The following GRIK2 variants were observed in gnomAD, a reference collection of about 807,000 sequenced individuals.
GRIK2 encodes glutamate receptor ionotropic, kainate 2.
GRIK2 carries 32 observed loss-of-function variants against 100.3 expected under a neutral mutation model. The ratio of observed to expected loss-of-function variants is 0.32; its 90% CI spans 0.24 to 0.43. GRIK2 has a LOEUF of 0.43. Ranked by LOEUF, GRIK2 falls within the 20% of genes least tolerant of loss-of-function variation. GRIK2 has a pLI of 1.00. For missense variants in GRIK2, 843 were observed against 1,114.9 expected, an observed-to-expected ratio of 0.76 and a Z score of 3.47; for synonymous variants, 417 against 389.4, an observed-to-expected ratio of 1.07 and a Z score of -0.83.
chr6:101,400,182 G>T (rs1582361565), intron 2 of GRIK2, among the ~76,000 whole-genome samples: 2 of 152,160 alleles, frequency 1.3e-5, no homozygotes, highest in South Asian at 4.1e-4. Context: ...GACTAAGTCT[G>T]CATCTTTCAC....
chr6:101,808,425 C>T (rs1781132107), intron 9 of GRIK2, among the ~76,000 whole-genome samples: 1 of 151,986 alleles, frequency 6.6e-6, no homozygotes, highest in Admixed American at 6.6e-5. Flanking sequence ...TTCTTTTAAA[C>T]TCTCCTATGT....
chr6:101,600,167 C>G (rs1001806238), intron 2 of GRIK2, among the ~76,000 whole-genome samples: 1 of 151,810 alleles, frequency 6.6e-6, no homozygotes, highest in Non-Finnish European at 1.5e-5. Flanking sequence ...TCCTTTTTAT[C>G]ATTGCTTATT....
intron 2 of GRIK2, among the ~76,000 whole-genome samples, chr6:101,519,047 T>A (rs1428025451): frequency 6.6e-6 from 1 of 152,170 alleles, no homozygotes; most frequent in East Asian, 1.9e-4. Context: ...GAATTACACT[T>A]CTAGAATTTA....
chr6:101,682,318 C>T (rs954010294), intron 5 of GRIK2, among the ~76,000 whole-genome samples: 6 of 152,202 alleles, frequency 3.9e-5, no homozygotes, highest in Non-Finnish European at 8.8e-5. Context: ...CATAGCTTTA[C>T]AATTGCAAAC....
chr6:101,492,265 A>C (rs1773164778), intron 2 of GRIK2, among the ~76,000 whole-genome samples: 1 of 151,960 alleles, frequency 6.6e-6, no homozygotes, highest in Non-Finnish European at 1.5e-5. Flanking sequence ...ATTAGCTGAT[A>C]GTTAACATTT....
chr6:101,585,915 G>A (rs1385658886), intron 2 of GRIK2, among the ~76,000 whole-genome samples: 1 of 151,354 alleles, frequency 6.6e-6, no homozygotes, highest in Non-Finnish European at 1.5e-5. Context: ...TTTTCCTCCT[G>A]GAAACAAAAA....
At chr6:101,473,097 T>TTCCTTCCTTCC (rs1772035312) in intron 2 of GRIK2, among the ~76,000 whole-genome samples, 1 of 133,276 alleles carries the variant, frequency 7.5e-6, no homozygotes, top group African/African-American at 2.8e-5. Flanking sequence ...AATCCTAGGT[T>TTCCTTCCTTCC]TTCCTTCCTT....
At chr6:101,523,864 T>C (rs1043407151) in intron 2 of GRIK2, among the ~76,000 whole-genome samples, 39 of 151,944 alleles carry the variant, frequency 2.6e-4, no homozygotes, top group African/African-American at 9.4e-4. Context: ...GGATTACAGG[T>C]GCTCACCAGC....
chr6:101,854,258 CTATT>C (rs1039315152), intron 10 of GRIK2, among the ~76,000 whole-genome samples: 4 of 151,832 alleles, frequency 2.6e-5, no homozygotes, highest in African/African-American at 7.3e-5. Flanking sequence ...AAAATTAAGT[CTATT>C]AATTAATTAA....
At chr6:101,466,852 TAAA>T (rs1771675350) in intron 2 of GRIK2, among the ~76,000 whole-genome samples, 1 of 152,184 alleles carries the variant, frequency 6.6e-6, no homozygotes, top group African/African-American at 2.4e-5. Context: ...GTTGTCTATA[TAAA>T]GTATGGAATT....
intron 10 of GRIK2, among the ~76,000 whole-genome samples, chr6:101,857,322 T>C (rs1027667864): frequency 8.5e-5 from 13 of 152,158 alleles, no homozygotes; most frequent in Non-Finnish European, 2.9e-5. Flanking sequence ...AACGTGCCAA[T>C]CTCTGACCAG....
At chr6:101,760,740 ATT>A (rs1207622661) in intron 7 of GRIK2, among the ~76,000 whole-genome samples, 7 of 133,590 alleles carry the variant, frequency 5.2e-5, no homozygotes, top group Non-Finnish European at 7.8e-5. Context: ...ATAATTATAT[ATT>A]TAATTATATA....
intron 10 of GRIK2, among the ~76,000 whole-genome samples, chr6:101,856,822 A>T (rs1376013816): frequency 6.6e-6 from 1 of 152,156 alleles, no homozygotes; most frequent in Non-Finnish European, 1.5e-5. Context: ...CGGAAGAGAG[A>T]CTAGACTTCA....
intron 13 of GRIK2, among the ~76,000 whole-genome samples, chr6:101,925,837 G>T (rs1429123986): frequency 6.6e-6 from 1 of 151,902 alleles, no homozygotes. Context: ...GCTATTGCAT[G>T]TTTAATTTTA....
chr6:102,058,978 A>C (rs1181677450), intron 16 of GRIK2, among the ~76,000 whole-genome samples: 2 of 151,282 alleles, frequency 1.3e-5, no homozygotes, highest in African/African-American at 4.8e-5. Flanking sequence ...AATGATGATA[A>C]AATTATAATA....
intron 2 of GRIK2, among the ~76,000 whole-genome samples, chr6:101,405,853 A>G (rs1429580878): frequency 2.0e-5 from 3 of 152,250 alleles, no homozygotes; most frequent in Non-Finnish European, 4.4e-5. Context: ...AGATATTTCT[A>G]GAATAACATG....
At chr6:101,580,886 C>T (rs1272985330) in intron 2 of GRIK2, among the ~76,000 whole-genome samples, 1 of 152,078 alleles carries the variant, frequency 6.6e-6, no homozygotes, top group Non-Finnish European at 1.5e-5. Flanking sequence ...GCTACCTTCT[C>T]AGTGATGATT....
At chr6:101,612,169 C>T (rs545586399) in intron 2 of GRIK2, among the ~76,000 whole-genome samples, 3 of 151,254 alleles carry the variant, frequency 2.0e-5, no homozygotes, top group Non-Finnish European at 2.9e-5. Context: ...ACTGAGGATG[C>T]TAGACCTGTT....
intron 4 of GRIK2, 130 bp from the exon 5 acceptor site, chr6:101,676,493 C>T: frequency 1.7e-6 from 1 of 572,014 alleles, no homozygotes. Context: ...AATATACAAA[C>T]CTATGTAACC....
Sources: allele counts gnomAD v4.1 joint callset (sites outside exome capture counted in the v4.1 genomes callset), GRCh38; gene constraint gnomAD v4.1.1; transcripts MANE v1.5; gene names NCBI Gene and HGNC (gene_info 2026-07-23, HGNC 2026-07-21).